Variants in CSGALNACT1 observed in about 807,000 individuals in gnomAD.
CSGALNACT1 encodes the protein chondroitin sulfate N-acetylgalactosaminyltransferase 1, also known as beta4GalNAcT-1.
In CSGALNACT1, 52 loss-of-function variants were observed where a neutral mutation model predicts 51.0. That is an observed-to-expected ratio of 1.02 (90% CI 0.82 to 1.29). The LOEUF is 1.29. CSGALNACT1 is among the 50% of genes most tolerant of loss of function. CSGALNACT1 has a pLI of 0.00. For missense variants in CSGALNACT1, 935 were observed against 679.2 expected, an observed-to-expected ratio of 1.38 and a Z score of -4.19; for synonymous variants, 341 against 254.4, an observed-to-expected ratio of 1.34 and a Z score of -3.24.
At chr8:19,594,394 G>C (rs1033620955) in intron 2 of CSGALNACT1, among the ~76,000 whole-genome samples, 2 of 152,118 alleles carry the variant, frequency 1.3e-5, no homozygotes, top group Admixed American at 6.5e-5. Flanking sequence ...CTAAAAATAT[G>C]AGTTAAAGTA....
chr8:19,746,321 T>C (rs17409940), intron 1 of CSGALNACT1, among the ~76,000 whole-genome samples: 25,993 of 152,048 alleles, frequency 0.17, 2,382 homozygotes, highest in East Asian at 0.26. Context: ...AAAACTAGAT[T>C]CTGAACAACC....
intron 3 of CSGALNACT1, among the ~76,000 whole-genome samples, chr8:19,531,279 G>C (rs1328997445): frequency 1.3e-5 from 2 of 152,092 alleles, no homozygotes; most frequent in East Asian, 1.9e-4. Context: ...AACATAATCA[G>C]TCTGCCAGAA....
intron 3 of CSGALNACT1, among the ~76,000 whole-genome samples, chr8:19,560,177 G>A (rs1018139073): frequency 3.9e-5 from 6 of 152,080 alleles, no homozygotes; most frequent in African/African-American, 1.4e-4. Context: ...TTCACTAAAT[G>A]GAACTAGAGT....
At chr8:19,551,077 G>A (rs2087932472) in intron 3 of CSGALNACT1, among the ~76,000 whole-genome samples, 1 of 152,118 alleles carries the variant, frequency 6.6e-6, no homozygotes, top group African/African-American at 2.4e-5. Flanking sequence ...ACGCCCCAGG[G>A]TTAGAAAAGC....
chr8:19,667,051 GAA>G (rs1304519717), intron 1 of CSGALNACT1, among the ~76,000 whole-genome samples: 1 of 101,082 alleles, frequency 9.9e-6, no homozygotes, highest in African/African-American at 4.0e-5. Flanking sequence ...AAGAAAGAAA[GAA>G]AGAAAGAAAG....
At chr8:19,589,479 C>T (rs1436740162) in intron 3 of CSGALNACT1, among the ~76,000 whole-genome samples, 2 of 152,160 alleles carry the variant, frequency 1.3e-5, no homozygotes, top group African/African-American at 2.4e-5. Context: ...GAGTGCACCA[C>T]CACATCTGGC....
intron 2 of CSGALNACT1, among the ~76,000 whole-genome samples, chr8:19,592,562 G>A (rs2048055252): frequency 6.6e-6 from 1 of 152,108 alleles, no homozygotes; most frequent in Admixed American, 6.6e-5. Flanking sequence ...GACCAGCGTG[G>A]GCACCATGGC....
chr8:19,478,405 C>G (rs780846172), intron 4 of CSGALNACT1, among the ~76,000 whole-genome samples: 13 of 108,652 alleles, frequency 1.2e-4, no homozygotes, highest in Non-Finnish European at 1.2e-4. Context: ...CAGAGCGAGA[C>G]TCCGTCTCAA....
In CSGALNACT1 at chr8:19,641,255, T is replaced by C. The variant is rs546441481; in HGVS notation, c.-543-39390A>G. On this transcript the variant is annotated intron_variant, in intron 1 of 9. Coordinates refer to the CSGALNACT1 transcript ENST00000332246. ...CAACGCCAGCCTCACCCAATCCCTC[T>C]ATGCCCACAATCCCTACCCGTCCTG... Among the ~76,000 whole-genome samples, 9 of 150,612 alleles carry C rather than the reference T, an allele frequency of 6.0e-5. No individual in the cohort carries two copies. In the East Asian group the frequency reaches 1.8e-3, roughly 31 times the overall value.
At position 19,636,777 on chromosome 8, in the gene CSGALNACT1, GT is replaced by G. The variant is rs765392571; in HGVS notation, c.-543-34913del. 8.6e-4 allele frequency among the ~76,000 whole-genome samples: 131 copies of G among 152,216 alleles called. 1 individual carries two copies. Among genetic ancestry groups the G allele is most frequent in the Non-Finnish European group, 1.5e-3 (105 of 68,022 alleles). On this transcript the variant is annotated intron_variant, in intron 1 of 9. Coordinates refer to the CSGALNACT1 transcript ENST00000332246. ...TCTTCCTTCTCCCGAGTTTTGTAAC[GT>G]TTTTTACCTTATGTAATACCATTTC... is the stretch of plus-strand genomic sequence containing the variant.
Position 19,674,914 on chromosome 8 carries a change from G to C in CSGALNACT1, c.-544+7559C>G, listed in dbSNP as rs1342919332. Among the ~76,000 whole-genome samples the C allele has an allele frequency of 2.6e-5, 4 of 152,274 alleles. No individual in the cohort carries two copies. The South Asian group carries it at 8.3e-4, about 32-fold the overall frequency. On this transcript the variant is annotated intron_variant, in intron 1 of 9. Coordinates refer to the CSGALNACT1 transcript ENST00000332246. ...GTCATGGATGAATCCAGAGTTTCTG[G>C]CCTGAACAATGAAAGCAGGGCATTG...
At chr8:19,747,169 G>A (rs1245044049) in intron 1 of CSGALNACT1, among the ~76,000 whole-genome samples, 3 of 152,044 alleles carry the variant, frequency 2.0e-5, no homozygotes, top group African/African-American at 7.2e-5. Flanking sequence ...ATCTTGAGAC[G>A]ACAGGGGAAA....
At chr8:19,755,461 A>AAAAAAAAAAAAAAT (rs2065303051) in intron 1 of CSGALNACT1, among the ~76,000 whole-genome samples, 1 of 116,166 alleles carries the variant, frequency 8.6e-6, no homozygotes, top group Non-Finnish European at 1.8e-5. Context: ...AAAGACAAAA[A>AAAAAAAAAAAAAAT]AAAAAAAAAA....
chr8:19,543,405 G>T (rs1220592929), intron 3 of CSGALNACT1, among the ~76,000 whole-genome samples: 1 of 152,334 alleles, frequency 6.6e-6, no homozygotes, highest in South Asian at 2.1e-4. Context: ...CTTGTAAAAA[G>T]TTCTCTATAC....
intron 1 of CSGALNACT1, among the ~76,000 whole-genome samples, chr8:19,613,581 CAT>C (rs1426445863): frequency 5.9e-5 from 9 of 152,228 alleles, no homozygotes; most frequent in Admixed American, 2.0e-4. Flanking sequence ...TGTTTCCACA[CAT>C]GATTATAACC....
intron 1 of CSGALNACT1, among the ~76,000 whole-genome samples, chr8:19,734,438 A>T (rs1013212490): frequency 6.6e-6 from 1 of 152,228 alleles, no homozygotes; most frequent in African/African-American, 2.4e-5. Flanking sequence ...ATGCCCAGCC[A>T]TGACTAATCA....
intron 3 of CSGALNACT1, among the ~76,000 whole-genome samples, chr8:19,560,384 C>T (rs113674275): frequency 0.044 from 6,699 of 152,116 alleles, 464 homozygotes; most frequent in African/African-American, 0.15. Flanking sequence ...AAGTGGCTGA[C>T]GAATATGACT....
intron 1 of CSGALNACT1, among the ~76,000 whole-genome samples, chr8:19,691,588 C>A (rs891920619): frequency 6.6e-6 from 1 of 152,162 alleles, no homozygotes; most frequent in Non-Finnish European, 1.5e-5. Flanking sequence ...ACAGCCCTGA[C>A]GATAACGCAG....
In CSGALNACT1 at chr8:19,490,177, G is replaced by T. The variant is rs111863432; in HGVS notation, c.634+15024C>A. Among the ~76,000 whole-genome samples, 520 of 152,188 alleles carry T rather than the reference G, an allele frequency of 3.4e-3. 2 individuals are homozygous for T. The highest frequency in any genetic ancestry group is 0.012 in the African/African-American group (499 of 41,500). ...CCAGCTCCTCTTTAAATAGCGCATG[G>T]AACATCACTAATTTAGGCATTCTAA... On this transcript the variant is annotated intron_variant, in intron 4 of 9. Transcript: ENST00000454498.
Sources: allele counts gnomAD v4.1 joint callset (sites outside exome capture counted in the v4.1 genomes callset), GRCh38; gene constraint gnomAD v4.1.1; transcripts MANE v1.5; gene names NCBI Gene and HGNC (gene_info 2026-07-23, HGNC 2026-07-21).